FOXN1: variants seen among roughly 807,000 people sequenced by gnomAD.
FOXN1 encodes the protein forkhead box protein N1.
Under a neutral mutation model 49.0 loss-of-function variants are expected in FOXN1, and 15 were observed. That is an observed-to-expected ratio of 0.31 (90% CI 0.20 to 0.47). FOXN1 has a LOEUF of 0.47. Among genes scored for constraint, FOXN1 ranks in the 20% least tolerant of loss-of-function variants. The pLI, the probability that FOXN1 is intolerant of heterozygous loss-of-function variation, is 1.00. For missense variants in FOXN1, 800 were observed against 842.8 expected (o/e 0.95, Z 0.63); for synonymous variants, 356 against 369.0 (o/e 0.96, Z 0.40).
At chr17:28,508,804 C>A (rs576006902) in intron 1 of FOXN1, among the ~76,000 whole-genome samples, 1 of 152,254 alleles carries the variant, frequency 6.6e-6, no homozygotes, top group East Asian at 1.9e-4. Flanking sequence ...ATGGAGGGGA[C>A]CGAGGTCCTG....
chr17:28,518,325 A>G (rs1489972159), intron 1 of FOXN1, among the ~76,000 whole-genome samples: 1 of 152,206 alleles, frequency 6.6e-6, no homozygotes, highest in Non-Finnish European at 1.5e-5. Context: ...TGAAGTACAG[A>G]AAGGGGAAGT....
At chr17:28,527,179 A>C in intron 3 of FOXN1, 72 bp from the exon 4 acceptor site, 2 of 1,026,140 alleles carry the variant, frequency 1.9e-6, no homozygotes, top group Non-Finnish European at 1.5e-6. Flanking sequence ...CTTTTATGTA[A>C]GGTTCAAGAC....
intron 1 of FOXN1, among the ~76,000 whole-genome samples, chr17:28,513,726 T>C (rs148450370): frequency 6.6e-6 from 1 of 152,336 alleles, no homozygotes; most frequent in African/African-American, 2.4e-5. Context: ...CCTGGGGAGC[T>C]GCAGGCTGAA....
At chr17:28,511,418 G>A (rs1408984618) in intron 1 of FOXN1, among the ~76,000 whole-genome samples, 1 of 152,174 alleles carries the variant, frequency 6.6e-6, no homozygotes, top group Non-Finnish European at 1.5e-5. Context: ...CAGGTGGACA[G>A]GCAAAGAGCG....
In FOXN1 at chr17:28,534,797, C is replaced by T. The variant is rs1363991546; in HGVS notation, c.1226C>T (p.Pro409Leu). Residue 409 changes from proline to leucine, a missense_variant, in exon 8 of 9, where the codon CCC becomes CTC. This residue lies in a region of FOXN1 where 344 missense variants were observed against 366.1 expected (regional missense o/e 0.94). Coordinates refer to ENST00000579795, the MANE Select transcript of FOXN1 (RefSeq NM_001369369.1). This position sits in a 1 kb window ranked among gnomAD's most constrained non-coding sequence, Gnocchi z 4.1. ...CCCCCTGGGCTGTCCGGCTCAGGCCCCATCCGGCCCCTGGCACCCCCAGCT... is the reference window on the plus strand; with the variant it reads ...CCCCCTGGGCTGTCCGGCTCAGGCCTCATCCGGCCCCTGGCACCCCCAGCT... ...CPPPGLSGSG[P>L]IRPLAPPAGL... 6.2e-7 allele frequency: 1 copy of T among 1,613,758 alleles called. No homozygotes were observed. Among genetic ancestry groups the T allele is most frequent in the East Asian group, 2.2e-5 (1 of 44,862 alleles).
At chr17:28,521,984 C>T (rs1033106324) in intron 1 of FOXN1, among the ~76,000 whole-genome samples, 3 of 152,214 alleles carry the variant, frequency 2.0e-5, no homozygotes, top group African/African-American at 7.2e-5. Flanking sequence ...ACACCTCATG[C>T]TTTTCTTGAT....
intron 1 of FOXN1, among the ~76,000 whole-genome samples, chr17:28,522,042 G>A (rs181333077): frequency 1.3e-5 from 2 of 152,334 alleles, no homozygotes; most frequent in East Asian, 3.9e-4. Flanking sequence ...CCCACCCAAT[G>A]AAGAAACCAT....
At chr17:28,529,027 G>A in intron 4 of FOXN1, 67 bp from the exon 5 acceptor site, 1 of 1,598,760 alleles carries the variant, frequency 6.3e-7, no homozygotes, top group Non-Finnish European at 8.6e-7. Context: ...TATATAAATG[G>A]GGAGGAGGGC....
chr17:28,510,579 C>T (rs1382185206), intron 1 of FOXN1, among the ~76,000 whole-genome samples: 2 of 114,386 alleles, frequency 1.7e-5, no homozygotes, highest in Non-Finnish European at 3.6e-5. Context: ...CGCACACACA[C>T]GCACACACAC....
In FOXN1 at chr17:28,534,627, C is replaced by CCCCG; in HGVS notation, c.1136-79_1136-76dup. The CCCCG allele has an allele frequency of 6.2e-7, 1 of 1,602,126 alleles. No individual in the cohort carries two copies. The highest frequency in any genetic ancestry group is 2.2e-5 in the East Asian group (1 of 44,790). On this transcript the variant is annotated intron_variant, in intron 7 of 8. Coordinates refer to ENST00000579795, the MANE Select transcript of FOXN1 (RefSeq NM_001369369.1). The surrounding 1 kb of genome is among the most constrained non-coding windows in gnomAD (Gnocchi z 4.1). The stretch of plus-strand genomic sequence containing the variant: ...GAGAGAATCAGAGAATGAGGCAAGG[C>CCCCG]CCCGAGTAAGGGTTCCAGTCTGGGG...
intron 1 of FOXN1, among the ~76,000 whole-genome samples, chr17:28,508,142 A>G (rs1339898552): frequency 6.6e-6 from 1 of 152,206 alleles, no homozygotes; most frequent in Non-Finnish European, 1.5e-5. Context: ...TCTCCCGGGA[A>G]TGCCAGGGAG....
Position 28,534,641 on chromosome 17 carries a change from T to C in FOXN1, c.1136-66T>C, listed in dbSNP as rs572491786. ...ATGAGGCAAGGCCCCGAGTAAGGGT[T>C]CCAGTCTGGGGAAGACTGTGGAGGA... On this transcript the variant is annotated intron_variant, in intron 7 of 8. Coordinates refer to ENST00000579795, the MANE Select transcript of FOXN1 (RefSeq NM_001369369.1). The surrounding 1 kb of genome is among the most constrained non-coding windows in gnomAD (Gnocchi z 4.1). 5.5e-5 allele frequency: 89 copies of C among 1,608,618 alleles called. No individual in the cohort carries two copies. In the South Asian group the frequency reaches 9.4e-4, roughly 17 times the overall value.
rs1173649354 is a variant in FOXN1 at position 28,527,372 on chromosome 17, G to C, written c.699+11G>C. 1 of 1,521,978 alleles carries C rather than the reference G, an allele frequency of 6.6e-7. No individual in the cohort carries two copies. The highest frequency in any genetic ancestry group is 1.7e-5 in the Admixed American group (1 of 59,460). The allele number at this position is 1,521,978 out of a possible 1,614,324, so 94.3% of individuals were successfully genotyped here. A position where few individuals can be genotyped will look rare whatever the true frequency, so the allele number is the denominator to read the frequency against. On this transcript the variant is annotated intron_variant, in intron 4 of 8. Coordinates refer to ENST00000579795, the MANE Select transcript of FOXN1 (RefSeq NM_001369369.1). The stretch of plus-strand genomic sequence containing the variant: ...CCCCCCTTCCACCAGGTGGGTCTGG[G>C]GCAAGTGGGCCTGCTTCCCCCAGGT...
chr17:28,507,114 GCAGAGTC>G (rs1555606245), intron 1 of FOXN1, among the ~76,000 whole-genome samples: 76 of 152,294 alleles, frequency 5.0e-4, no homozygotes, highest in Admixed American at 3.0e-3. Flanking sequence ...GACCCCTAAG[GCAGAGTC>G]CTGGTGAGCA....
In FOXN1 at chr17:28,537,422, G is replaced by T. The variant is rs747825809; in HGVS notation, c.1933G>T (p.Val645Leu). The T allele has an allele frequency of 6.2e-7, 1 of 1,612,436 alleles. No individual in the cohort carries two copies. Among genetic ancestry groups the T allele is most frequent in the Admixed American group, 1.7e-5 (1 of 59,988 alleles). ...SVYLSPSSKPVALA is the reference protein window; with the variant it reads ...SVYLSPSSKPLALA ...GTACCTCAGCCCCAGCTCCAAGCCC[G>T]TGGCCCTGGCATGAGCTGTGCCCAG... Residue 645 changes from valine to leucine, a missense_variant, in exon 9 of 9, where the codon GTG becomes TTG. By Grantham distance (32) the Val-to-Leu change is conservative (BLOSUM62 1). Transcript: ENST00000579795.
chr17:28,517,195 A>ATACACACCTCCACAGGG (rs2069529758), intron 1 of FOXN1, among the ~76,000 whole-genome samples: 1,801 of 88,550 alleles, frequency 0.02, 6 homozygotes, highest in Non-Finnish European at 0.025. Flanking sequence ...CCTCCACAGG[A>ATACACACCTCCACAGGG]TACACACCTC....
chr17:28,531,427 A>G (rs1009542308), intron 6 of FOXN1, among the ~76,000 whole-genome samples: 1 of 152,134 alleles, frequency 6.6e-6, no homozygotes, highest in African/African-American at 2.4e-5. Flanking sequence ...TCTCATTTCT[A>G]TCATTCACAG....
intron 1 of FOXN1, among the ~76,000 whole-genome samples, chr17:28,517,749 T>C (rs1450004194): frequency 6.1e-5 from 7 of 114,816 alleles, no homozygotes; most frequent in Admixed American, 5.3e-4. Context: ...ACAGGGTACA[T>C]GCCTGCACTG....
intron 1 of FOXN1, among the ~76,000 whole-genome samples, chr17:28,521,520 C>T (rs902433219): frequency 1.3e-5 from 2 of 152,258 alleles, no homozygotes; most frequent in Non-Finnish European, 2.9e-5. Context: ...TGGGCTGCCC[C>T]GCACCTCGGG....
Sources: allele counts gnomAD v4.1 joint callset (sites outside exome capture counted in the v4.1 genomes callset), GRCh38; gene constraint gnomAD v4.1.1; regional missense constraint gnomAD v4.1.1; non-coding constraint Gnocchi (gnomAD v3.1); transcripts MANE v1.5; gene names NCBI Gene and HGNC (gene_info 2026-07-23, HGNC 2026-07-21).